The following RSF1 variants were observed in gnomAD, a reference collection of about 807,000 sequenced individuals.
RSF1 encodes the protein HBV pX-associated protein 8.
A neutral mutation model predicts 145.2 loss-of-function variants in RSF1; 13 were observed. That is an observed-to-expected ratio of 0.09 (90% CI 0.06 to 0.14). RSF1 has a LOEUF of 0.14. RSF1 is among the 10% of genes least tolerant of loss of function. The pLI is 1.00. For missense variants in RSF1, 1,517 were observed against 1,718.2 expected (o/e 0.88, Z 2.07); for synonymous variants, 577 against 592.6 (o/e 0.97, Z 0.38).
chr11:77,706,700 G>A (rs918344202), intron 5 of RSF1, among the ~76,000 whole-genome samples: 3 of 151,660 alleles, frequency 2.0e-5, no homozygotes, highest in Non-Finnish European at 4.4e-5. Flanking sequence ...TCAAGGGTAC[G>A]TACGCAGGTT....
chr11:77,713,405 AAAGAGTG>A (rs1960732507), intron 5 of RSF1, among the ~76,000 whole-genome samples: 2 of 151,886 alleles, frequency 1.3e-5, no homozygotes, highest in African/African-American at 4.8e-5. Flanking sequence ...CTGATGTCAA[AAAGAGTG>A]AAGGCAGTCT....
intron 5 of RSF1, among the ~76,000 whole-genome samples, chr11:77,720,562 A>C (rs919663544): frequency 6.6e-6 from 1 of 152,228 alleles, no homozygotes; most frequent in African/African-American, 2.4e-5. Flanking sequence ...CCACAGTCTG[A>C]GAATAACAAC....
rs78869805 is a variant in RSF1 at position 77,715,915 on chromosome 11, G to A, written c.733+9630C>T. Among the ~76,000 whole-genome samples the A allele has an allele frequency of 2.1e-3, 315 of 152,278 alleles. 3 individuals carry two copies. Among genetic ancestry groups the A allele is most frequent in the Admixed American group, 7.3e-3 (111 of 15,306 alleles). On this transcript the variant is annotated intron_variant, in intron 5 of 15. Coordinates refer to ENST00000308488, the MANE Select transcript of RSF1 (RefSeq NM_016578.4). ...CTCCCCAGTAGCTGGGACCAAAGGC[G>A]TGCAACACCATGCTTGGCTAGTGCA...
intron 4 of RSF1, among the ~76,000 whole-genome samples, chr11:77,740,429 C>A (rs559384399): frequency 2.1e-4 from 32 of 152,264 alleles, no homozygotes; most frequent in Admixed American, 2.0e-3. Flanking sequence ...TTTTCTTGTG[C>A]TTTTGTCTAA....
chr11:77,772,370 C>T (rs899361247), intron 1 of RSF1, among the ~76,000 whole-genome samples: 1 of 152,032 alleles, frequency 6.6e-6, no homozygotes, highest in Non-Finnish European at 1.5e-5. Context: ...GACAGGGTCC[C>T]ACTATGTTGG....
At chr11:77,691,366 A>G in intron 8 of RSF1, 128 bp from the exon 9 acceptor site, 1 of 706,986 alleles carries the variant, frequency 1.4e-6, no homozygotes, top group Non-Finnish European at 2.4e-6. Flanking sequence ...TGAACAATGA[A>G]GCTTTTCTTG....
chr11:77,682,972 T>G (rs1398779780), intron 11 of RSF1, among the ~76,000 whole-genome samples: 1 of 152,186 alleles, frequency 6.6e-6, no homozygotes, highest in Non-Finnish European at 1.5e-5. Flanking sequence ...GATGAGACTA[T>G]GCAGTGCCTT....
upstream of RSF1, among the ~76,000 whole-genome samples, chr11:77,824,021 C>G (rs947385300): frequency 6.6e-6 from 1 of 152,106 alleles, no homozygotes; most frequent in South Asian, 2.1e-4. Flanking sequence ...CTTTTCTAAT[C>G]TAGATCGGCA....
intron 2 of RSF1, among the ~76,000 whole-genome samples, chr11:77,754,511 G>A (rs1347829241): frequency 6.6e-6 from 1 of 152,074 alleles, no homozygotes; most frequent in Non-Finnish European, 1.5e-5. Flanking sequence ...AGAGACCAAG[G>A]CAGGAGGATT....
chr11:77,735,085 G>A, intron 4 of RSF1: 1 of 993,920 alleles, frequency 1.0e-6, no homozygotes, highest in Non-Finnish European at 1.5e-6. Context: ...TGGGGCGGCG[G>A]CAGGGGCCTT....
At chr11:77,764,742 A>T (rs1362067420) in intron 1 of RSF1, 53 bp from the exon 2 acceptor site, 2 of 1,083,046 alleles carry the variant, frequency 1.8e-6, no homozygotes, top group Non-Finnish European at 2.8e-6. Flanking sequence ...ACAATTCTAA[A>T]CATTTAAGAT....
Position 77,784,175 on chromosome 11 carries a change from G to A in RSF1, c.188-19486C>T, listed in dbSNP as rs184067537. ...TGATACTATTCCACAGACCAGTGAA[G>A]CACTTGATTATTTTCAGTTCTCTTT... On this transcript the variant is annotated intron_variant, in intron 1 of 15. Transcript: ENST00000308488. 2.1e-3 allele frequency among the ~76,000 whole-genome samples: 318 copies of A among 152,244 alleles called. 1 individual carries two copies. Among genetic ancestry groups the A allele is most frequent in the Non-Finnish European group, 3.7e-3 (253 of 68,024 alleles).
chr11:77,834,244 G>A, the RSF1 span, among the ~76,000 whole-genome samples: 1 of 152,226 alleles, frequency 6.6e-6, no homozygotes, highest in South Asian at 2.1e-4. Context: ...GGTTAGGGAA[G>A]CAATGGTTGC....
At chr11:77,757,462 G>A (rs1395390694) in intron 2 of RSF1, among the ~76,000 whole-genome samples, 2 of 152,038 alleles carry the variant, frequency 1.3e-5, no homozygotes, top group Admixed American at 6.6e-5. Flanking sequence ...GGTGGATCAC[G>A]AGGTCAGGAG....
In RSF1 at chr11:77,820,664, C is replaced by A. The variant is rs1464298104; in HGVS notation, c.51G>T (p.Pro17=). The change falls in exon 1 of 16, where the codon CCG becomes CCT. Residue 17 remains proline (P), a synonymous_variant. Transcript: ENST00000308488. ...AAAVMAPPGC[P]GSCPNFAVVC... ...CTACGGCGAAGTTGGGGCACGAACC[C>A]GGGCAGCCCGGAGGAGCCATCACCG... 1.3e-6 allele frequency: 2 copies of A among 1,556,874 alleles called. No individual in the cohort carries two copies. Among genetic ancestry groups the A allele is most frequent in the South Asian group, 2.4e-5 (2 of 84,514 alleles).
At chr11:77,681,586 T>C (rs188260335) in intron 11 of RSF1, among the ~76,000 whole-genome samples, 26 of 152,354 alleles carry the variant, frequency 1.7e-4, no homozygotes, top group Admixed American at 1.6e-3. Flanking sequence ...AGCCAATTTA[T>C]GTGCAATTTC....
the RSF1 span, among the ~76,000 whole-genome samples, chr11:77,856,466 T>C: frequency 3.3e-5 from 5 of 152,300 alleles, no homozygotes; most frequent in South Asian, 1.0e-3. Context: ...AGTATCTTTA[T>C]AGCAATACCC....
In RSF1 at chr11:77,661,547, G is replaced by A. The variant is rs1203235814; in HGVS notation, c.*5370C>T. On this transcript the variant is annotated 3_prime_UTR_variant, in exon 16 of 16. Transcript: ENST00000308488. ...GGCTTGTCCACATAGCAGTTGACAT[G>A]CACCAATTCTGCTAAAGGGCAGGAG... is the stretch of plus-strand genomic sequence containing the variant. 6.6e-6 allele frequency: 1 copy of A among 151,844 alleles called. No individual in the cohort carries two copies. The highest frequency in any genetic ancestry group is 1.5e-5 in the Non-Finnish European group (1 of 67,960). 9.4% of individuals were successfully genotyped at this position (151,844 alleles called of 1,614,324 possible).
At chr11:77,800,305 A>G (rs1392165352) in intron 1 of RSF1, among the ~76,000 whole-genome samples, 1 of 152,080 alleles carries the variant, frequency 6.6e-6, no homozygotes, top group South Asian at 2.1e-4. Flanking sequence ...CAGCCTGACC[A>G]ACATGGTGAA....
Sources: allele counts gnomAD v4.1 joint callset (sites outside exome capture counted in the v4.1 genomes callset), GRCh38; gene constraint gnomAD v4.1.1; transcripts MANE v1.5; gene names NCBI Gene and HGNC (gene_info 2026-07-23, HGNC 2026-07-21).